B3GALT1: variants seen among roughly 807,000 people sequenced by gnomAD.
The protein encoded by B3GALT1 is beta-1,3-galactosyltransferase 1.
B3GALT1 carries 10 observed loss-of-function variants against 23.2 expected under a neutral mutation model. The observed-to-expected ratio is 0.43, with a 90% CI of 0.27 to 0.73. The LOEUF (loss-of-function observed/expected upper bound fraction) is 0.73, where lower values mean the gene tolerates loss of function less well. Ranked by LOEUF, B3GALT1 falls within the 30% of genes least tolerant of loss-of-function variation. The pLI, the probability that B3GALT1 is intolerant of heterozygous loss-of-function variation, is 0.21. For synonymous variants in B3GALT1, 156 were observed against 141.5 expected, an observed-to-expected ratio of 1.10 and a Z score of -0.73; for missense variants, 299 against 405.4, an observed-to-expected ratio of 0.74 and a Z score of 2.25.
intron 2 of B3GALT1, among the ~76,000 whole-genome samples, chr2:167,551,732 A>G (rs1436301057): frequency 6.6e-6 from 1 of 152,000 alleles, no homozygotes; most frequent in Admixed American, 6.6e-5. Context: ...GACGAGGCAC[A>G]TTTTCTTAAA....
intron 4 of B3GALT1, among the ~76,000 whole-genome samples, chr2:167,837,051 C>T (rs529910001): frequency 5.3e-5 from 8 of 152,132 alleles, no homozygotes; most frequent in South Asian, 2.1e-4. Context: ...AAGGAACAAC[C>T]GGTAACAGCT....
rs553322497 is a variant in B3GALT1 at position 167,680,117 on chromosome 2, G to A, written c.-352+33151G>A. On this transcript the variant is annotated intron_variant, in intron 3 of 4. Transcript: ENST00000392690. ...GCTAATTGCTTTCTTTTCTCACTTT[G>A]GTAATTCATTCCAAACACACACTTC... Among the ~76,000 whole-genome samples the A allele has an allele frequency of 2.6e-5, 4 of 152,078 alleles. 1 individual carries two copies. In the South Asian group the frequency reaches 8.3e-4, roughly 32 times the overall value.
chr2:167,311,868 A>T (rs1386844427), intron 1 of B3GALT1, among the ~76,000 whole-genome samples: 1 of 151,958 alleles, frequency 6.6e-6, no homozygotes. Context: ...GACCTTGTAT[A>T]TGCATTTAAT....
chr2:167,303,682 C>CACACACACACACACAGAG (rs535369991), intron 1 of B3GALT1, among the ~76,000 whole-genome samples: 1 of 148,724 alleles, frequency 6.7e-6, no homozygotes, highest in Non-Finnish European at 1.5e-5. Context: ...CACACACACA[C>CACACACACACACACAGAG]AGAGAGAGAC....
rs557414961 is a variant in B3GALT1 at position 167,613,564 on chromosome 2, G to T, written c.-409-33345G>T. On this transcript the variant is annotated intron_variant, in intron 2 of 4. Transcript: ENST00000392690. ...GTGAGTTTTGTTTTTCTTTAGTCTT[G>T]TTTATATTTCCAATTTTTAAATTAA... Among the ~76,000 whole-genome samples, 115 of 151,368 alleles carry T rather than the reference G, an allele frequency of 7.6e-4. 1 individual carries two copies. Among genetic ancestry groups the T allele is most frequent in the African/African-American group, 2.6e-3 (106 of 41,392 alleles).
At chr2:167,376,978 C>A (rs568372904) in intron 1 of B3GALT1, among the ~76,000 whole-genome samples, 2 of 152,038 alleles carry the variant, frequency 1.3e-5, no homozygotes, top group African/African-American at 4.8e-5. Context: ...AGGCACTTAG[C>A]GCTATAAACT....
intron 2 of B3GALT1, among the ~76,000 whole-genome samples, chr2:167,599,949 G>T (rs1684844490): frequency 6.6e-6 from 1 of 152,160 alleles, no homozygotes. Context: ...AAGCAAAAAT[G>T]AAACATTTAT....
chr2:167,329,902 G>C (rs1165927890), intron 1 of B3GALT1, among the ~76,000 whole-genome samples: 1 of 151,920 alleles, frequency 6.6e-6, no homozygotes, highest in Non-Finnish European at 1.5e-5. Flanking sequence ...CTGTTAGTCT[G>C]ATGGGGGTTA....
chr2:167,867,191 G>T (rs1232737510), intron 4 of B3GALT1, among the ~76,000 whole-genome samples: 2 of 152,198 alleles, frequency 1.3e-5, no homozygotes, highest in Non-Finnish European at 2.9e-5. Context: ...CTCCCAAAGT[G>T]CTGGGATTAC....
At chr2:167,844,871 C>G (rs575998808) in intron 4 of B3GALT1, among the ~76,000 whole-genome samples, 10 of 152,266 alleles carry the variant, frequency 6.6e-5, no homozygotes, top group African/African-American at 2.4e-4. Context: ...CTGGCTTGCC[C>G]TCTGCCTGGA....
At chr2:167,551,019 A>ATTC (rs1683734256) in intron 2 of B3GALT1, among the ~76,000 whole-genome samples, 1 of 149,048 alleles carries the variant, frequency 6.7e-6, no homozygotes, top group South Asian at 2.1e-4. Flanking sequence ...TCTACTGGAT[A>ATTC]TTCTGCACAT....
intron 3 of B3GALT1, among the ~76,000 whole-genome samples, chr2:167,764,576 A>G (rs1349266493): frequency 6.6e-6 from 1 of 152,224 alleles, no homozygotes; most frequent in Non-Finnish European, 1.5e-5. Flanking sequence ...ACACTTTTAT[A>G]CATATGTAAA....
At chr2:167,337,532 A>G (rs531511178) in intron 1 of B3GALT1, among the ~76,000 whole-genome samples, 1 of 152,198 alleles carries the variant, frequency 6.6e-6, no homozygotes, top group South Asian at 2.1e-4. Context: ...TAAATCTTTC[A>G]GACTGCTGAA....
intron 1 of B3GALT1, among the ~76,000 whole-genome samples, chr2:167,337,441 T>A (rs1167456235): frequency 6.6e-6 from 1 of 152,108 alleles, no homozygotes; most frequent in Non-Finnish European, 1.5e-5. Context: ...ATACTTTGGC[T>A]TTCTGAGGAA....
intron 1 of B3GALT1, among the ~76,000 whole-genome samples, chr2:167,392,706 G>C (rs918299331): frequency 1.3e-5 from 2 of 151,772 alleles, no homozygotes; most frequent in African/African-American, 4.8e-5. Flanking sequence ...AGTGTTTTTG[G>C]GGAAAAAACC....
At chr2:167,498,261 C>T (rs566092807) in intron 2 of B3GALT1, among the ~76,000 whole-genome samples, 23 of 152,140 alleles carry the variant, frequency 1.5e-4, no homozygotes, top group African/African-American at 5.3e-4. Flanking sequence ...TTATAGGACA[C>T]GTTGATTTTT....
chr2:167,607,082 G>T (rs1302425061), intron 2 of B3GALT1, among the ~76,000 whole-genome samples: 1 of 152,040 alleles, frequency 6.6e-6, no homozygotes. Flanking sequence ...CCCCAAAAAA[G>T]TTAATTAGCT....
At chr2:167,736,859 G>A (rs1409008494) in intron 3 of B3GALT1, among the ~76,000 whole-genome samples, 2 of 152,120 alleles carry the variant, frequency 1.3e-5, no homozygotes, top group Non-Finnish European at 2.9e-5. Context: ...ACTTGAACCT[G>A]GGAGGCGGAG....
intron 4 of B3GALT1, among the ~76,000 whole-genome samples, chr2:167,841,992 T>C (rs1689661320): frequency 6.6e-6 from 1 of 152,234 alleles, no homozygotes; most frequent in African/African-American, 2.4e-5. Context: ...AGCACTTTAT[T>C]AGAATGCGGT....
Sources: allele counts gnomAD v4.1 joint callset (sites outside exome capture counted in the v4.1 genomes callset), GRCh38; gene constraint gnomAD v4.1.1; transcripts MANE v1.5; gene names NCBI Gene and HGNC (gene_info 2026-07-23, HGNC 2026-07-21).